The following SLC7A14 variants were observed in gnomAD, a reference collection of about 807,000 sequenced individuals.
SLC7A14 encodes gamma-aminobutyric acid transporter SLC7A14.
In SLC7A14, 37 loss-of-function variants were observed where a neutral mutation model predicts 60.2. The ratio of observed to expected loss-of-function variants is 0.61; its 90% CI spans 0.47 to 0.81. The LOEUF is 0.81. SLC7A14 is among the 30% of genes least tolerant of loss of function. The pLI is 0.00. For synonymous variants in SLC7A14, 399 were observed against 395.8 expected (o/e 1.01, Z -0.10); for missense variants, 886 against 982.7 (o/e 0.90, Z 1.32).
intron 2 of SLC7A14, among the ~76,000 whole-genome samples, chr3:170,513,566 G>A (rs949362631): frequency 6.6e-6 from 1 of 152,168 alleles, no homozygotes; most frequent in African/African-American, 2.4e-5. Flanking sequence ...CTTTGCAAGG[G>A]ACTTTTCAGG....
intron 4 of SLC7A14, chr3:170,495,487 G>GC: frequency 3.4e-6 from 3 of 894,062 alleles, no homozygotes; most frequent in South Asian, 3.3e-5. Flanking sequence ...TCCACCTCTG[G>GC]CCCCCAGGCC....
At chr3:170,583,478 A>AAG (rs1715291921) in intron 1 of SLC7A14, among the ~76,000 whole-genome samples, 1 of 152,228 alleles carries the variant, frequency 6.6e-6, no homozygotes, top group Admixed American at 6.5e-5. Flanking sequence ...AGCAGTATGG[A>AAG]AGAGTATTTC....
At chr3:170,491,173 T>G (rs1000137120) in intron 4 of SLC7A14, among the ~76,000 whole-genome samples, 1 of 152,222 alleles carries the variant, frequency 6.6e-6, no homozygotes, top group Non-Finnish European at 1.5e-5. Context: ...TTCTTGATTA[T>G]GGTAACAAAC....
intron 7 of SLC7A14, among the ~76,000 whole-genome samples, chr3:170,472,767 C>CA (rs11456241): frequency 0.28 from 29,989 of 106,878 alleles, 3,132 homozygotes; most frequent in Middle Eastern, 0.39. Context: ...GACTCCGTCT[C>CA]AAAAAAAAAA....
chr3:170,481,187 G>A, intron 6 of SLC7A14, 21 bp from the exon 7 acceptor site: 1 of 1,604,076 alleles, frequency 6.2e-7, no homozygotes, highest in East Asian at 2.2e-5. Flanking sequence ...CGGGCAAGCA[G>A]AGGGTTAATG....
At chr3:170,494,132 T>A (rs1210672171) in intron 4 of SLC7A14, among the ~76,000 whole-genome samples, 1 of 152,206 alleles carries the variant, frequency 6.6e-6, no homozygotes, top group African/African-American at 2.4e-5. Flanking sequence ...CATCCAGGAC[T>A]GGGATCGAAT....
In SLC7A14 at chr3:170,464,991, G is replaced by A. The variant is rs1259955472; in HGVS notation, c.*2064C>T. On this transcript the variant is annotated 3_prime_UTR_variant, in exon 8 of 8. Coordinates refer to ENST00000231706, the MANE Select transcript of SLC7A14 (RefSeq NM_020949.3). The stretch of plus-strand genomic sequence containing the variant: ...ATTCAAAACTTTGTTTTCAAAAGAT[G>A]ACTGATAATTAGTTTATAATTAATT... 1.3e-5 allele frequency: 2 copies of A among 152,136 alleles called. No individual in the cohort carries two copies. Among genetic ancestry groups the A allele is most frequent in the East Asian group, 1.9e-4 (1 of 5,190 alleles). The allele number at this position is 152,136 out of a possible 1,614,324, so 9.4% of individuals were successfully genotyped here. A position where few individuals can be genotyped will look rare whatever the true frequency, so the allele number is the denominator to read the frequency against.
chr3:170,515,349 T>C (rs1489513311), intron 2 of SLC7A14, among the ~76,000 whole-genome samples: 1 of 150,894 alleles, frequency 6.6e-6, no homozygotes, highest in Non-Finnish European at 1.5e-5. Context: ...TATGTATATA[T>C]ATATTATGGA....
At chr3:170,561,332 G>A (rs1022949716) in intron 1 of SLC7A14, among the ~76,000 whole-genome samples, 4 of 152,176 alleles carry the variant, frequency 2.6e-5, no homozygotes, top group African/African-American at 4.8e-5. Context: ...TGCTGTGTGT[G>A]CATCTTCGTA....
chr3:170,496,174 T>C lies in SLC7A14; in HGVS notation c.759+2493A>G, dbSNP rs1577512670. 3 of 909,744 alleles carry C rather than the reference T, an allele frequency of 3.3e-6. No individual in the cohort carries two copies. The South Asian group carries it at 3.9e-5, about 12-fold the overall frequency. The allele number at this position is 909,744 out of a possible 1,614,324, so 56.4% of individuals were successfully genotyped here. A position where few individuals can be genotyped will look rare whatever the true frequency, so the allele number is the denominator to read the frequency against. On this transcript the variant is annotated intron_variant, in intron 4 of 7. Transcript: ENST00000231706. ...TCGGGCACGTCTGCGGTGCTGTCCA[T>C]GGACAACAGCCTCTCCCTGGACATG... is the stretch of plus-strand genomic sequence containing the variant.
chr3:170,516,877 C>T (rs753945748), intron 2 of SLC7A14, among the ~76,000 whole-genome samples: 1 of 152,348 alleles, frequency 6.6e-6, no homozygotes, highest in Non-Finnish European at 1.5e-5. Context: ...GCCTTTGCCA[C>T]TGACCACCCT....
intron 5 of SLC7A14, among the ~76,000 whole-genome samples, chr3:170,484,048 C>A (rs566658369): frequency 6.6e-6 from 1 of 152,210 alleles, no homozygotes; most frequent in Admixed American, 6.5e-5. Flanking sequence ...AGCCTATTAA[C>A]TGTTGGGACC....
intron 2 of SLC7A14, among the ~76,000 whole-genome samples, chr3:170,523,281 T>C (rs1367568969): frequency 2.0e-5 from 3 of 152,246 alleles, no homozygotes; most frequent in Non-Finnish European, 4.4e-5. Flanking sequence ...CTGAATGTTA[T>C]TGATTGCTAT....
At chr3:170,582,934 A>G (rs774020396) in intron 1 of SLC7A14, among the ~76,000 whole-genome samples, 15 of 152,236 alleles carry the variant, frequency 9.9e-5, no homozygotes, top group Non-Finnish European at 2.1e-4. Flanking sequence ...CTAGAATCCT[A>G]GGACCATCTT....
In SLC7A14 at chr3:170,480,736, T is replaced by A. The variant is rs760356090; in HGVS notation, c.1546A>T (p.Met516Leu). The A allele has an allele frequency of 6.2e-7, 1 of 1,614,244 alleles. No individual in the cohort carries two copies. Among genetic ancestry groups the A allele is most frequent in the South Asian group, 1.1e-5 (1 of 91,088 alleles). ...TCATCAGCTTCTATGCCTGTGGTCA[T>A]GTCCACGGTGCCGTAATTGGGGTGG... ...VNHPNYGTVD[M>L]TTGIEADESE... Residue 516 changes from methionine (M) to leucine (L), a missense_variant, in exon 7 of 8, where the codon ATG becomes TTG. Transcript: ENST00000231706.
At chr3:170,472,368 C>CAA (rs5854371) in intron 7 of SLC7A14, among the ~76,000 whole-genome samples, 36 of 144,514 alleles carry the variant, frequency 2.5e-4, no homozygotes, top group East Asian at 4.1e-4. Flanking sequence ...GACTCCATCT[C>CAA]AAAAAAAAAA....
chr3:170,531,301 A>C (rs1713672849), intron 1 of SLC7A14, among the ~76,000 whole-genome samples: 1 of 152,022 alleles, frequency 6.6e-6, no homozygotes, highest in Non-Finnish European at 1.5e-5. Context: ...GCAGGCAATG[A>C]CTATGGAGGC....
chr3:170,504,555 A>T (rs954548146), intron 2 of SLC7A14, among the ~76,000 whole-genome samples: 8 of 152,082 alleles, frequency 5.3e-5, no homozygotes, highest in African/African-American at 1.9e-4. Flanking sequence ...TCCTGACCTC[A>T]AGTGATCCTC....
chr3:170,472,462 G>C (rs529269553), intron 7 of SLC7A14, among the ~76,000 whole-genome samples: 3 of 149,044 alleles, frequency 2.0e-5, no homozygotes, highest in Non-Finnish European at 3.0e-5. Flanking sequence ...ATGGTGGTTA[G>C]TCTTATGAAA....
Sources: allele counts gnomAD v4.1 joint callset (sites outside exome capture counted in the v4.1 genomes callset), GRCh38; gene constraint gnomAD v4.1.1; transcripts MANE v1.5; gene names NCBI Gene and HGNC (gene_info 2026-07-23, HGNC 2026-07-21).